Variants in RFTN1 observed in about 807,000 individuals in gnomAD.
RFTN1 encodes the protein raftlin.
A neutral mutation model predicts 46.5 loss-of-function variants in RFTN1; 26 were observed. The observed-to-expected ratio is 0.56, with a 90% CI of 0.41 to 0.78. The LOEUF (loss-of-function observed/expected upper bound fraction) is 0.78. Ranked by LOEUF, RFTN1 falls within the 30% of genes least tolerant of loss-of-function variation. The probability of loss-of-function intolerance (pLI) is 0.00; values close to 1 mark genes in which losing one functional copy is unlikely to be tolerated. For missense variants in RFTN1, 693 were observed against 718.7 expected (o/e 0.96, Z 0.41); for synonymous variants, 261 against 284.2 (o/e 0.92, Z 0.82).
chr3:16,414,548 G>A (rs1172918316), intron 3 of RFTN1, among the ~76,000 whole-genome samples: 3 of 149,618 alleles, frequency 2.0e-5, no homozygotes, highest in Non-Finnish European at 4.4e-5. Flanking sequence ...AGGTTGCAGT[G>A]AGCCAAGATC....
chr3:16,505,335 G>A (rs2076785329), intron 1 of RFTN1, among the ~76,000 whole-genome samples: 1 of 152,016 alleles, frequency 6.6e-6, no homozygotes, highest in Non-Finnish European at 1.5e-5. Context: ...AACTCTCCAG[G>A]CACCACCCTT....
In RFTN1 at chr3:16,400,949, C is replaced by A. The variant is rs2074585479; in HGVS notation, c.441+8426G>T. Among the ~76,000 whole-genome samples, 1 of 151,772 alleles carries A rather than the reference C, an allele frequency of 6.6e-6. No individual in the cohort carries two copies. Among genetic ancestry groups the A allele is most frequent in the Non-Finnish European group, 1.5e-5 (1 of 67,900 alleles). On this transcript the variant is annotated intron_variant, in intron 4 of 9. Transcript: ENST00000334133. The surrounding 1 kb of genome is among the most constrained non-coding windows in gnomAD (Gnocchi z 4.5). ...GCCCATTACCTTGTGCCCCTCCCAC[C>A]TCGCCCTGCCTGGAACCTGCCTCCA...
At position 16,410,855 on chromosome 3, in the gene RFTN1, G is replaced by A. The variant is rs1184853742; in HGVS notation, c.333-1372C>T. 6.6e-6 allele frequency among the ~76,000 whole-genome samples: 1 copy of A among 152,224 alleles called. No homozygotes were observed. Among genetic ancestry groups the A allele is most frequent in the Non-Finnish European group, 1.5e-5 (1 of 68,034 alleles). On this transcript the variant is annotated intron_variant, in intron 3 of 9. Transcript: ENST00000334133. This position sits in a 1 kb window ranked among gnomAD's most constrained non-coding sequence, Gnocchi z 4.6. ...CAGGAGGAAATTCCACCACTTCACA[G>A]CCATTCACAGGCAGGGCTCCTGTAT... is the stretch of plus-strand genomic sequence containing the variant.
Position 16,425,674 on chromosome 3 carries a change from T to A in RFTN1, c.332+8177A>T, listed in dbSNP as rs1384707944. On this transcript the variant is annotated intron_variant, in intron 3 of 9. Transcript: ENST00000334133. The surrounding 1 kb of genome is among the most constrained non-coding windows in gnomAD (Gnocchi z 4.3). Reference sequence around the variant, plus strand: ...ATTTAGGAGTGTGGATTGGAAAAAATTCTTTCCCCCAAGAGAAGGTGGCTT... The same window carrying A: ...ATTTAGGAGTGTGGATTGGAAAAAAATCTTTCCCCCAAGAGAAGGTGGCTT... 6.6e-6 allele frequency among the ~76,000 whole-genome samples: 1 copy of A among 151,690 alleles called. No individual in the cohort carries two copies.
chr3:16,358,580 T>C (rs1471228044), intron 6 of RFTN1, among the ~76,000 whole-genome samples: 1 of 152,032 alleles, frequency 6.6e-6, no homozygotes. Context: ...AGGTGGAATG[T>C]GGGGGAGAGG....
At chr3:16,371,269 T>C (rs2073487811) in intron 5 of RFTN1, among the ~76,000 whole-genome samples, 1 of 152,356 alleles carries the variant, frequency 6.6e-6, no homozygotes, top group Non-Finnish European at 1.5e-5. Flanking sequence ...ACAAAGCACA[T>C]TCATGCTCCC....
chr3:16,443,984 G>A lies in RFTN1; in HGVS notation c.146-9947C>T, dbSNP rs1341702947. ...CCAGGTCCCCTGATGCTTAGGTTTA[G>A]TAGTGGGCACTCAAATATTAAAAGC... On this transcript the variant is annotated intron_variant, in intron 2 of 9. Coordinates refer to ENST00000334133, the MANE Select transcript of RFTN1 (RefSeq NM_015150.2). The surrounding 1 kb of genome is among the most constrained non-coding windows in gnomAD (Gnocchi z 5.5). Among the ~76,000 whole-genome samples, 1 of 152,184 alleles carries A rather than the reference G, an allele frequency of 6.6e-6. No individual in the cohort carries two copies. Among genetic ancestry groups the A allele is most frequent in the Non-Finnish European group, 1.5e-5 (1 of 68,026 alleles).
In RFTN1 at chr3:16,474,106, T is replaced by A. The variant is rs1402762135; in HGVS notation, c.145+19619A>T. Among the ~76,000 whole-genome samples the A allele has an allele frequency of 6.6e-6, 1 of 152,210 alleles. No individual in the cohort carries two copies. Among genetic ancestry groups the A allele is most frequent in the Non-Finnish European group, 1.5e-5 (1 of 68,026 alleles). On this transcript the variant is annotated intron_variant, in intron 2 of 9. Transcript: ENST00000334133. This position sits in a 1 kb window ranked among gnomAD's most constrained non-coding sequence, Gnocchi z 5.5. ...AGGAAATCTTGCACTTACATTTGAC[T>A]CTTCTTTGCATTTGGTATAAAAATA...
chr3:16,420,452 G>A (rs2075162940), intron 3 of RFTN1, among the ~76,000 whole-genome samples: 2 of 152,224 alleles, frequency 1.3e-5, no homozygotes, highest in South Asian at 4.1e-4. Flanking sequence ...AGCAATAATA[G>A]CTACATAGGA....
intron 4 of RFTN1, among the ~76,000 whole-genome samples, chr3:16,379,335 C>G (rs182687269): frequency 6.6e-6 from 1 of 152,366 alleles, no homozygotes; most frequent in Admixed American, 6.5e-5. Flanking sequence ...TCTTTAAATC[C>G]TAGCCTGTGC....
intron 2 of RFTN1, among the ~76,000 whole-genome samples, chr3:16,471,227 C>T (rs527338089): frequency 1.3e-3 from 199 of 152,304 alleles, no homozygotes; most frequent in Non-Finnish European, 2.2e-3. Context: ...ATGCCTATTA[C>T]GCCACAAATC....
intron 4 of RFTN1, among the ~76,000 whole-genome samples, chr3:16,399,400 T>G (rs1425568584): frequency 6.6e-6 from 1 of 152,208 alleles, no homozygotes; most frequent in East Asian, 1.9e-4. Flanking sequence ...CACAAAAATA[T>G]GCTTCTGTGG....
Position 16,351,259 on chromosome 3 carries a change from A to T in RFTN1, c.1146+6673T>A, listed in dbSNP as rs1481250689. Reference sequence around the variant, plus strand: ...GAGAGATTCCTGCAGCGCGCCAAGGACTGTGTCCTTGATCCAGTCTGTTTG... The same window carrying T: ...GAGAGATTCCTGCAGCGCGCCAAGGTCTGTGTCCTTGATCCAGTCTGTTTG... On this transcript the variant is annotated intron_variant, in intron 7 of 9. Transcript: ENST00000334133. This position sits in a 1 kb window ranked among gnomAD's most constrained non-coding sequence, Gnocchi z 5.4. 6.6e-6 allele frequency among the ~76,000 whole-genome samples: 1 copy of T among 152,112 alleles called. No homozygotes were observed. The highest frequency in any genetic ancestry group is 1.9e-4 in the East Asian group (1 of 5,194).
Position 16,374,130 on chromosome 3 carries a change from T to C in RFTN1, c.826+3588A>G, listed in dbSNP as rs2073645642. ...ACAAGGGCCTTTCACCTTCACCATC[T>C]CATGTGACTCTCCCAAACTTGATGA... On this transcript the variant is annotated intron_variant, in intron 5 of 9. Transcript: ENST00000334133. This position sits in a 1 kb window ranked among gnomAD's most constrained non-coding sequence, Gnocchi z 5.4. 6.6e-6 allele frequency among the ~76,000 whole-genome samples: 1 copy of C among 152,186 alleles called. No homozygotes were observed. Among genetic ancestry groups the C allele is most frequent in the Non-Finnish European group, 1.5e-5 (1 of 68,032 alleles).
rs768045866 is a variant in RFTN1, at chr3:16,316,782, C to G, written c.*46G>C. On this transcript the variant is annotated 3_prime_UTR_variant, in exon 10 of 10. Coordinates refer to ENST00000334133, the MANE Select transcript of RFTN1 (RefSeq NM_015150.2). The surrounding 1 kb of genome is among the most constrained non-coding windows in gnomAD (Gnocchi z 4.5). ...CCCAAACCAGCTGTTGGTAAGATGC[C>G]TTGGGTTTGGCAACTCACCTAGTTT... The G allele has an allele frequency of 6.2e-7, 1 of 1,610,572 alleles. No homozygotes were observed. Among genetic ancestry groups the G allele is most frequent in the Non-Finnish European group, 8.5e-7 (1 of 1,178,352 alleles).
intron 7 of RFTN1, among the ~76,000 whole-genome samples, chr3:16,350,647 C>T (rs934111705): frequency 3.9e-5 from 6 of 152,130 alleles, no homozygotes; most frequent in Non-Finnish European, 7.4e-5. Flanking sequence ...CTGACTTCCT[C>T]GTTACTCACC....
chr3:16,317,100 C>CA lies in RFTN1; in HGVS notation c.1464dup (p.Gly489TrpfsTer46), dbSNP rs1210524852. On this transcript the variant is annotated frameshift_variant, in exon 10 of 10. Coordinates refer to ENST00000334133, the MANE Select transcript of RFTN1 (RefSeq NM_015150.2). LOFTEE classifies it low-confidence loss of function (END_TRUNC). The surrounding 1 kb of genome is among the most constrained non-coding windows in gnomAD (Gnocchi z 4.3). ...CCTGAAACACAGTTTCCCATGTCTC[C>CA]AGCTTTGGAAGACTGGTCTTCTAAG... 6.2e-7 allele frequency: 1 copy of CA among 1,613,948 alleles called. No homozygotes were observed.
At chr3:16,435,926 AT>A (rs2075503312) in intron 2 of RFTN1, among the ~76,000 whole-genome samples, 1 of 147,380 alleles carries the variant, frequency 6.8e-6, no homozygotes, top group Admixed American at 6.7e-5. Context: ...AAATATATAT[AT>A]ATATATATAT....
Position 16,387,570 on chromosome 3 carries a change from TTCTCTCTCTCTCTCTCTCTCTC to T in RFTN1, c.442-9490_442-9469del, listed in dbSNP as rs3054539. ...CACTTCTCTCTTCTATATCCTCAATTTCTCTCTCTCTCTCTCTCTCTCTCTCTCTCTCTCTCTCTCTACTGGC... is the reference window on the plus strand; with the variant it reads ...CACTTCTCTCTTCTATATCCTCAATTTCTCTCTCTCTCTCTCTCTACTGGC... On this transcript the variant is annotated intron_variant, in intron 4 of 9. Coordinates refer to ENST00000334133, the MANE Select transcript of RFTN1 (RefSeq NM_015150.2). This position sits in a 1 kb window ranked among gnomAD's most constrained non-coding sequence, Gnocchi z 5.2. Among the ~76,000 whole-genome samples, 3 of 116,500 alleles carry T rather than the reference TTCTCTCTCTCTCTCTCTCTCTC, an allele frequency of 2.6e-5. No homozygotes were observed. The highest frequency in any genetic ancestry group is 5.2e-5 in the Non-Finnish European group (3 of 58,202). 76.4% of individuals were successfully genotyped at this position (116,500 alleles called of 152,430 possible).
Sources: gnomAD v4.1 joint callset for allele counts (sites outside exome capture counted in the v4.1 genomes callset) on GRCh38, gnomAD v4.1.1 for gene constraint, Gnocchi (gnomAD v3.1) non-coding constraint, MANE v1.5 for transcripts, NCBI Gene and HGNC (gene_info 2026-07-23, HGNC 2026-07-21) for gene names.